Variants in IL1RL2 observed in about 807,000 individuals in gnomAD.
IL1RL2 encodes the protein interleukin 1 receptor like 2, also known as interleukin-1 receptor-like 2.
A neutral mutation model predicts 66.8 loss-of-function variants in IL1RL2; 68 were observed. The ratio of observed to expected loss-of-function variants is 1.02; its 90% CI spans 0.84 to 1.25. IL1RL2 has a LOEUF of 1.25. IL1RL2 is among the 50% of genes most tolerant of loss of function. The pLI is 0.00. For missense variants in IL1RL2, 729 were observed against 709.3 expected, an observed-to-expected ratio of 1.03 and a Z score of -0.32; for synonymous variants, 305 against 264.6, an observed-to-expected ratio of 1.15 and a Z score of -1.48.
chr2:102,195,937 C>T (rs1687746606), intron 4 of IL1RL2, among the ~76,000 whole-genome samples: 1 of 151,994 alleles, frequency 6.6e-6, no homozygotes, highest in African/African-American at 2.4e-5. Flanking sequence ...CTGTCTCAAA[C>T]TACTGACCTC....
chr2:102,194,528 C>A (rs902164913), intron 4 of IL1RL2, among the ~76,000 whole-genome samples: 2 of 150,980 alleles, frequency 1.3e-5, no homozygotes, highest in Non-Finnish European at 3.0e-5. Context: ...TTAACAGTTC[C>A]AGCAGCAGTG....
chr2:102,241,528 G>A (rs1675231536), downstream of IL1RL2, among the ~76,000 whole-genome samples: 2 of 152,196 alleles, frequency 1.3e-5, no homozygotes, highest in African/African-American at 4.8e-5. Flanking sequence ...AATATGAACA[G>A]GACATTTACA....
At position 102,239,457 on chromosome 2, in the gene IL1RL2, G is replaced by A. The variant is rs1350084660; in HGVS notation, c.*216G>A. On this transcript the variant is annotated 3_prime_UTR_variant, in exon 12 of 12. Coordinates refer to ENST00000264257, the MANE Select transcript of IL1RL2 (RefSeq NM_003854.4). Reference sequence around the variant, plus strand: ...TGGGGCCATCCCCGTGGTCATGGAGGGTGAGAGCTGGGGGTTATCCCCATG... The same window carrying A: ...TGGGGCCATCCCCGTGGTCATGGAGAGTGAGAGCTGGGGGTTATCCCCATG... The A allele has an allele frequency of 5.9e-6, 3 of 511,706 alleles. No individual in the cohort carries two copies. The highest frequency in any genetic ancestry group is 2.0e-5 in the South Asian group (1 of 49,300). The allele number at this position is 511,706 out of a possible 1,614,324, so 31.7% of individuals were successfully genotyped here.
intron 3 of IL1RL2, 68 bp from the exon 4 acceptor site, chr2:102,191,857 A>T: frequency 9.0e-7 from 1 of 1,111,570 alleles, no homozygotes; most frequent in Non-Finnish European, 1.3e-6. Context: ...AACATTTGAA[A>T]ATGAGTGGAA....
chr2:102,189,252 T>C lies in IL1RL2; in HGVS notation c.235T>C (p.Trp79Arg). Residue 79 changes from tryptophan to arginine, a missense_variant, in exon 3 of 12, where the codon TGG (tryptophan) becomes CGG (arginine). Trp to Arg is a moderately radical substitution (Grantham distance 101). Transcript: ENST00000264257. ...GTCTAGAATTCACCAGGACGAGACT[T>C]GGATTTTGTTTCTCCCCATGGAATG... ...IQSRIHQDETWILFLPMEWGD... is the reference protein window; with the variant it reads ...IQSRIHQDETRILFLPMEWGD... 1 of 1,613,958 alleles carries C rather than the reference T, an allele frequency of 6.2e-7. No individual in the cohort carries two copies. Among genetic ancestry groups the C allele is most frequent in the South Asian group, 1.1e-5 (1 of 91,070 alleles).
intron 4 of IL1RL2, among the ~76,000 whole-genome samples, chr2:102,194,587 G>A (rs1687501311): frequency 6.6e-6 from 1 of 152,092 alleles, no homozygotes; most frequent in Non-Finnish European, 1.5e-5. Context: ...GGTACTATTA[G>A]TCTTTTTAAT....
At chr2:102,215,205 C>G (rs1182219025) in intron 6 of IL1RL2, among the ~76,000 whole-genome samples, 2 of 152,180 alleles carry the variant, frequency 1.3e-5, no homozygotes, top group Non-Finnish European at 2.9e-5. Flanking sequence ...TATATTGCTC[C>G]AGTGCAGGAA....
intron 4 of IL1RL2, among the ~76,000 whole-genome samples, chr2:102,199,034 C>T (rs927745853): frequency 1.3e-5 from 2 of 152,110 alleles, no homozygotes; most frequent in African/African-American, 4.8e-5. Flanking sequence ...TTAGTAACAC[C>T]TTTGCTTACC....
chr2:102,204,349 A>C (rs1315265883), intron 5 of IL1RL2, among the ~76,000 whole-genome samples: 1 of 152,142 alleles, frequency 6.6e-6, no homozygotes, highest in Non-Finnish European at 1.5e-5. Flanking sequence ...AAGAATATGT[A>C]TTCTACAGCC....
chr2:102,188,808 A>G (rs1188109257), intron 2 of IL1RL2, among the ~76,000 whole-genome samples: 1 of 152,142 alleles, frequency 6.6e-6, no homozygotes, highest in African/African-American at 2.4e-5. Context: ...GGGTCGTAGA[A>G]TAGAAGGGAA....
intron 4 of IL1RL2, among the ~76,000 whole-genome samples, chr2:102,194,835 A>G (rs1687525986): frequency 6.6e-6 from 1 of 151,002 alleles, no homozygotes; most frequent in Non-Finnish European, 1.5e-5. Context: ...GTAACCTTGA[A>G]CCCCTGGGCT....
chr2:102,205,112 TAAAC>T (rs1348806726), intron 5 of IL1RL2, among the ~76,000 whole-genome samples: 1 of 152,078 alleles, frequency 6.6e-6, no homozygotes, highest in Non-Finnish European at 1.5e-5. Context: ...ATTGTTTGCA[TAAAC>T]AAACAAGCAA....
Position 102,192,121 on chromosome 2 carries a change from G to C in IL1RL2, c.489+1G>C, listed in dbSNP as rs1687282352. On this transcript the variant is annotated splice_donor_variant, in intron 4 of 11. Transcript: ENST00000264257. LOFTEE classifies it high-confidence loss of function. ...TTTGGGTCCAATAAAGTGGTATAAG[G>C]TAAAAAAGAATTTTCTTATTGATAT... The C allele has an allele frequency of 3.2e-6, 5 of 1,548,812 alleles. No individual in the cohort carries two copies. Among genetic ancestry groups the C allele is most frequent in the Non-Finnish European group, 4.3e-6 (5 of 1,151,992 alleles).
chr2:102,192,013 T>G lies in IL1RL2; in HGVS notation c.382T>G (p.Leu128Val). ...CDTSIGGLPN[L>V]SDEYKQILHL... ...CACTTCCATAGGTGGTTTACCAAAT[T>G]TATCAGATGAGTACAAGCAAATATT... The change falls in exon 4 of 12, where the codon TTA becomes GTA. Residue 128 changes from leucine (L) to valine (V), a missense_variant. Coordinates refer to ENST00000264257, the MANE Select transcript of IL1RL2 (RefSeq NM_003854.4). 3 of 1,613,024 alleles carry G rather than the reference T, an allele frequency of 1.9e-6. No homozygotes were observed. Among genetic ancestry groups the G allele is most frequent in the Non-Finnish European group, 2.5e-6 (3 of 1,179,436 alleles).
chr2:102,229,054 C>T (rs1014048223), intron 9 of IL1RL2, among the ~76,000 whole-genome samples: 4 of 152,150 alleles, frequency 2.6e-5, no homozygotes, highest in African/African-American at 4.8e-5. Flanking sequence ...AAAGCATTTG[C>T]GTGGAGGCCA....
At chr2:102,226,118 T>G in intron 9 of IL1RL2, 77 bp downstream of exon 9, 1 of 1,214,094 alleles carries the variant, frequency 8.2e-7, no homozygotes, top group African/African-American at 1.6e-5. Flanking sequence ...CAAATATACT[T>G]TGTCATATTT....
intron 6 of IL1RL2, 134 bp from the exon 7 acceptor site, chr2:102,218,819 T>G: frequency 1.3e-6 from 1 of 744,878 alleles, no homozygotes; most frequent in South Asian, 1.9e-5. Flanking sequence ...GATTAACATT[T>G]GCCTAGGGGG....
At chr2:102,195,035 G>A (rs1687547436) in intron 4 of IL1RL2, among the ~76,000 whole-genome samples, 1 of 152,160 alleles carries the variant, frequency 6.6e-6, no homozygotes, top group African/African-American at 2.4e-5. Flanking sequence ...AGAAATGAAG[G>A]AGTGTGGTTG....
At chr2:102,194,926 A>C (rs895487934) in intron 4 of IL1RL2, among the ~76,000 whole-genome samples, 2 of 152,076 alleles carry the variant, frequency 1.3e-5, no homozygotes, top group Admixed American at 1.3e-4. Flanking sequence ...TTTCTGTGAA[A>C]AGCCAAATAA....
Sources: allele counts gnomAD v4.1 joint callset (sites outside exome capture counted in the v4.1 genomes callset), GRCh38; gene constraint gnomAD v4.1.1; transcripts MANE v1.5; gene names NCBI Gene and HGNC (gene_info 2026-07-23, HGNC 2026-07-21).